The following STXBP5L variants were observed in gnomAD, a reference collection of about 807,000 sequenced individuals.
STXBP5L encodes syntaxin binding protein 5L, also known as syntaxin-binding protein 5-like.
A neutral mutation model predicts 144.5 loss-of-function variants in STXBP5L; 65 were observed. The observed-to-expected ratio is 0.45, with a 90% CI of 0.37 to 0.55. The LOEUF is 0.55. Ranked by LOEUF, STXBP5L falls within the 20% of genes least tolerant of loss-of-function variation. STXBP5L has a pLI of 0.00. For missense variants in STXBP5L, 1,298 were observed against 1,405.5 expected, an observed-to-expected ratio of 0.92 and a Z score of 1.22; for synonymous variants, 505 against 469.6, an observed-to-expected ratio of 1.08 and a Z score of -0.97.
intron 3 of STXBP5L, among the ~76,000 whole-genome samples, chr3:120,982,103 G>A (rs954568): frequency 0.2 from 30,277 of 152,072 alleles, 3,195 homozygotes; most frequent in Admixed American, 0.3. Flanking sequence ...CCATTATCAG[G>A]TTTTGTATTG....
At chr3:121,157,786 A>AC in intron 9 of STXBP5L, 159 bp downstream of exon 9, 1 of 948,810 alleles carries the variant, frequency 1.1e-6, no homozygotes, top group South Asian at 1.9e-5. Context: ...CCAACATTGT[A>AC]CCCCAAACTT....
intron 19 of STXBP5L, among the ~76,000 whole-genome samples, chr3:121,293,121 G>A (rs149734515): frequency 6.6e-6 from 1 of 152,164 alleles, no homozygotes; most frequent in Admixed American, 6.5e-5. Flanking sequence ...AAACAATGGT[G>A]CTCTGCTCCG....
intron 3 of STXBP5L, among the ~76,000 whole-genome samples, chr3:120,980,998 T>A (rs187133142): frequency 6.6e-6 from 1 of 151,682 alleles, no homozygotes; most frequent in East Asian, 2.0e-4. Flanking sequence ...TTTGCTAGAT[T>A]TTTTTTTTCT....
intron 9 of STXBP5L, among the ~76,000 whole-genome samples, chr3:121,164,982 G>T (rs1393674149): frequency 6.6e-6 from 1 of 152,110 alleles, no homozygotes; most frequent in Non-Finnish European, 1.5e-5. Context: ...AAGGACTAAA[G>T]TTAATAAAAT....
chr3:121,035,706 A>G (rs1257444599), intron 3 of STXBP5L, among the ~76,000 whole-genome samples: 1 of 152,140 alleles, frequency 6.6e-6, no homozygotes, highest in Non-Finnish European at 1.5e-5. Context: ...TATTGGTTCC[A>G]TATGAATTTT....
chr3:121,417,847 T>C (rs1413372515), intron 25 of STXBP5L, among the ~76,000 whole-genome samples: 2 of 152,150 alleles, frequency 1.3e-5, no homozygotes, highest in Non-Finnish European at 2.9e-5. Flanking sequence ...ATAACCATCA[T>C]TCATATATTC....
intron 1 of STXBP5L, among the ~76,000 whole-genome samples, 165 bp from the exon 2 acceptor site, chr3:120,909,406 A>C (rs1447726699): frequency 6.6e-6 from 1 of 152,206 alleles, no homozygotes; most frequent in Non-Finnish European, 1.5e-5. Flanking sequence ...TTTAGAATTA[A>C]AATTTGGCAA....
intron 17 of STXBP5L, 30 bp downstream of exon 17, chr3:121,257,363 T>C (rs1269828390): frequency 6.4e-7 from 1 of 1,560,278 alleles, no homozygotes; most frequent in Admixed American, 1.8e-5. Flanking sequence ...TTTCAAACAA[T>C]TTTAGATATT....
At chr3:120,984,529 G>A (rs922854460) in intron 3 of STXBP5L, among the ~76,000 whole-genome samples, 2 of 151,682 alleles carry the variant, frequency 1.3e-5, no homozygotes, top group Admixed American at 6.6e-5. Context: ...TTTTTTGGTG[G>A]GGGGAATCTT....
At position 121,093,270 on chromosome 3, in the gene STXBP5L, G is replaced by T. The variant is rs539174851; in HGVS notation, c.471-21655G>T. 2.0e-5 allele frequency among the ~76,000 whole-genome samples: 3 copies of T among 152,236 alleles called. No homozygotes were observed. The South Asian group carries it at 6.2e-4, about 32-fold the overall frequency. ...TGTCTCTGCCCGGCTTTGGTATCAG[G>T]ATGATGCTGGCCTCATAAAATGAGT... On this transcript the variant is annotated intron_variant, in intron 5 of 26. Coordinates refer to ENST00000471454, the MANE Select transcript of STXBP5L (RefSeq NM_001308330.2).
intron 2 of STXBP5L, among the ~76,000 whole-genome samples, chr3:120,921,910 C>CTTTGTTG (rs968408194): frequency 3.8e-4 from 58 of 151,910 alleles, no homozygotes; most frequent in Admixed American, 1.6e-3. Context: ...ATGCCTCTAG[C>CTTTGTTG]TTTGTTGTTT....
At chr3:121,030,513 A>T (rs1946289046) in intron 3 of STXBP5L, among the ~76,000 whole-genome samples, 2 of 152,118 alleles carry the variant, frequency 1.3e-5, no homozygotes, top group Non-Finnish European at 2.9e-5. Context: ...CGAACATCAC[A>T]CACCGGGGCA....
intron 11 of STXBP5L, among the ~76,000 whole-genome samples, chr3:121,232,300 A>T (rs1346948914): frequency 6.6e-6 from 1 of 152,106 alleles, no homozygotes; most frequent in African/African-American, 2.4e-5. Context: ...CCCCTAACAA[A>T]GCCCCCTTGT....
At chr3:121,053,091 G>T (rs1396444402) in intron 5 of STXBP5L, among the ~76,000 whole-genome samples, 4 of 151,836 alleles carry the variant, frequency 2.6e-5, no homozygotes, top group South Asian at 2.1e-4. Flanking sequence ...CAAGGAAATA[G>T]AGGATACAAA....
intron 2 of STXBP5L, among the ~76,000 whole-genome samples, chr3:120,937,191 A>G (rs1383064439): frequency 6.6e-6 from 1 of 152,172 alleles, no homozygotes; most frequent in Non-Finnish European, 1.5e-5. Flanking sequence ...ACTAGTTTTA[A>G]GTGGAAACTA....
At position 121,424,705 on chromosome 3, in the gene STXBP5L, TAAC is replaced by T. The variant is rs1273168176; in HGVS notation, c.*5611_*5613del. 1 of 152,194 alleles carries T rather than the reference TAAC, an allele frequency of 6.6e-6. No homozygotes were observed. Among genetic ancestry groups the T allele is most frequent in the African/African-American group, 2.4e-5 (1 of 41,450 alleles). The allele number at this position is 152,194 out of a possible 1,614,324, so 9.4% of individuals were successfully genotyped here. A position where few individuals can be genotyped will look rare whatever the true frequency, so the allele number is the denominator to read the frequency against. On this transcript the variant is annotated 3_prime_UTR_variant, in exon 27 of 27. Coordinates refer to ENST00000471454, the MANE Select transcript of STXBP5L (RefSeq NM_001308330.2). ...TGCACTCAGCAATTGTGACTATACT[TAAC>T]AAAATTCTTGTAGTCTGTAGAGATA...
intron 3 of STXBP5L, among the ~76,000 whole-genome samples, chr3:121,006,586 T>A (rs1944328803): frequency 6.6e-6 from 1 of 152,218 alleles, no homozygotes; most frequent in African/African-American, 2.4e-5. Context: ...AATTTGATCC[T>A]GTCATTATGA....
chr3:120,973,385 T>TA (rs1940509807), intron 3 of STXBP5L, among the ~76,000 whole-genome samples: 1 of 151,744 alleles, frequency 6.6e-6, no homozygotes, highest in African/African-American at 2.4e-5. Flanking sequence ...CTCTGGTGAT[T>TA]TTTTTTTGCA....
intron 9 of STXBP5L, among the ~76,000 whole-genome samples, chr3:121,185,816 T>C (rs2047357234): frequency 6.6e-6 from 1 of 152,156 alleles, no homozygotes; most frequent in African/African-American, 2.4e-5. Context: ...TAAAGTTGTT[T>C]TTTCCAATTC....
Sources: gnomAD v4.1 joint callset for allele counts (sites outside exome capture counted in the v4.1 genomes callset) on GRCh38, gnomAD v4.1.1 for gene constraint, MANE v1.5 for transcripts, NCBI Gene and HGNC (gene_info 2026-07-23, HGNC 2026-07-21) for gene names.